The following FAM135B variants were observed in gnomAD, a reference collection of about 807,000 sequenced individuals.
FAM135B encodes protein FAM135B.
In FAM135B, 43 loss-of-function variants were observed where a neutral mutation model predicts 127.7. That is an observed-to-expected ratio of 0.34 (90% CI 0.26 to 0.43). The LOEUF (loss-of-function observed/expected upper bound fraction) is 0.43, where lower values mean the gene tolerates loss of function less well. Among genes scored for constraint, FAM135B ranks in the 20% least tolerant of loss-of-function variants. The pLI is 1.00. For synonymous variants in FAM135B, 670 were observed against 665.1 expected (o/e 1.01, Z -0.11); for missense variants, 1,558 against 1,725.6 (o/e 0.90, Z 1.72).
chr8:138,249,912 C>G (rs1259148086), intron 6 of FAM135B, among the ~76,000 whole-genome samples: 1 of 152,204 alleles, frequency 6.6e-6, no homozygotes, highest in African/African-American at 2.4e-5. Flanking sequence ...TCTGGCCATG[C>G]TGGGAGTAGA....
chr8:138,387,095 T>C (rs1832264197), intron 1 of FAM135B, among the ~76,000 whole-genome samples: 1 of 152,196 alleles, frequency 6.6e-6, no homozygotes, highest in African/African-American at 2.4e-5. Flanking sequence ...GACATATGTA[T>C]TCATATACAA....
intron 2 of FAM135B, among the ~76,000 whole-genome samples, chr8:138,347,374 CAA>C (rs1829489447): frequency 6.6e-6 from 1 of 152,156 alleles, no homozygotes; most frequent in South Asian, 2.1e-4. Flanking sequence ...AGTGAGAGAA[CAA>C]AAGAGATGGC....
chr8:138,143,065 C>T lies in FAM135B; in HGVS notation c.3585G>A (p.Leu1195=), dbSNP rs78114853. The change falls in exon 16 of 20, where the codon TTG becomes TTA. Residue 1195 remains leucine, a synonymous_variant. Transcript: ENST00000395297. ...ADFDTMTDRL[L]DEIIQHIQLY... The stretch of plus-strand genomic sequence containing the variant: ...ACTGAATGTGTTGAATGATTTCATC[C>T]AATAACCGATCCGTCATAGTATCAA... The T allele has an allele frequency of 6.2e-7, 1 of 1,611,032 alleles. No homozygotes were observed. Among genetic ancestry groups the T allele is most frequent in the Non-Finnish European group, 8.5e-7 (1 of 1,177,256 alleles).
At chr8:138,177,280 T>A (rs2130963405) in intron 11 of FAM135B, 67 bp downstream of exon 11, 1 of 1,439,168 alleles carries the variant, frequency 6.9e-7, no homozygotes, top group Non-Finnish European at 9.7e-7. Flanking sequence ...AAGTGAAGAG[T>A]AACTTTGAAC....
chr8:138,196,310 T>C (rs1816621811), intron 8 of FAM135B, among the ~76,000 whole-genome samples: 1 of 152,240 alleles, frequency 6.6e-6, no homozygotes, highest in African/African-American at 2.4e-5. Flanking sequence ...AGATTTGAAC[T>C]TGAAAAAATT....
chr8:138,457,091 C>T (rs1392633594), intron 1 of FAM135B, among the ~76,000 whole-genome samples: 2 of 115,030 alleles, frequency 1.7e-5, no homozygotes, highest in Non-Finnish European at 3.9e-5. Context: ...CAAAATGCCT[C>T]TAGAAAAGAG....
intron 12 of FAM135B, among the ~76,000 whole-genome samples, chr8:138,166,076 CAG>C (rs760812118): frequency 1.3e-5 from 2 of 152,216 alleles, no homozygotes; most frequent in Non-Finnish European, 2.9e-5. Context: ...ACTTTGGAAT[CAG>C]AGTTGGCGTT....
At chr8:138,443,204 T>C (rs1835911614) in intron 1 of FAM135B, among the ~76,000 whole-genome samples, 1 of 152,180 alleles carries the variant, frequency 6.6e-6, no homozygotes, top group Non-Finnish European at 1.5e-5. Flanking sequence ...GCAGATTTTA[T>C]CAATCCCCCC....
chr8:138,275,748 T>C, intron 3 of FAM135B, among the ~76,000 whole-genome samples: 1 of 152,040 alleles, frequency 6.6e-6, no homozygotes, highest in Non-Finnish European at 1.5e-5. Flanking sequence ...CATTATCCCC[T>C]CCTGGCGCTT....
chr8:138,254,175 T>G (rs946818413), intron 5 of FAM135B, among the ~76,000 whole-genome samples: 6 of 152,232 alleles, frequency 3.9e-5, no homozygotes, highest in Admixed American at 3.9e-4. Flanking sequence ...ATGACATCTA[T>G]TTTGTAACTG....
chr8:138,174,791 T>G (rs1814278133), intron 11 of FAM135B, among the ~76,000 whole-genome samples: 1 of 152,208 alleles, frequency 6.6e-6, no homozygotes, highest in African/African-American at 2.4e-5. Flanking sequence ...TGACAATTCA[T>G]GAACTAGGAC....
intron 3 of FAM135B, among the ~76,000 whole-genome samples, chr8:138,277,112 A>G (rs2130715803): frequency 6.6e-6 from 1 of 152,242 alleles, no homozygotes; most frequent in South Asian, 2.1e-4. Flanking sequence ...TTGTCTTCTT[A>G]GCTTCACAGC....
intron 3 of FAM135B, among the ~76,000 whole-genome samples, chr8:138,276,135 C>T (rs1823804389): frequency 1.3e-5 from 2 of 152,176 alleles, no homozygotes; most frequent in African/African-American, 4.8e-5. Context: ...ACAGCCAAGG[C>T]CCCACCTTCA....
intron 1 of FAM135B, among the ~76,000 whole-genome samples, chr8:138,395,140 A>G (rs1477029082): frequency 6.6e-6 from 1 of 152,178 alleles, no homozygotes; most frequent in African/African-American, 2.4e-5. Context: ...CAAGCTCTGA[A>G]TCCCAAGTGC....
intron 1 of FAM135B, among the ~76,000 whole-genome samples, chr8:138,406,740 G>C (rs79073129): frequency 6.7e-6 from 1 of 149,746 alleles, no homozygotes; most frequent in African/African-American, 2.5e-5. Context: ...CAATAAATTA[G>C]GTATTGATGG....
At chr8:138,314,229 G>A (rs1826905951) in intron 2 of FAM135B, among the ~76,000 whole-genome samples, 1 of 152,282 alleles carries the variant, frequency 6.6e-6, no homozygotes, top group South Asian at 2.1e-4. Context: ...CATAAAACAA[G>A]ATTATTTATT....
intron 7 of FAM135B, among the ~76,000 whole-genome samples, chr8:138,217,987 T>G (rs1204914229): frequency 6.6e-6 from 1 of 152,208 alleles, no homozygotes; most frequent in Non-Finnish European, 1.5e-5. Context: ...TACCTCTGTC[T>G]TCCAAACAAT....
intron 1 of FAM135B, among the ~76,000 whole-genome samples, chr8:138,371,971 T>C (rs755545784): frequency 6.6e-6 from 1 of 152,164 alleles, no homozygotes; most frequent in Non-Finnish European, 1.5e-5. Flanking sequence ...GCCCTCATGA[T>C]GCTCAGGGAC....
intron 7 of FAM135B, among the ~76,000 whole-genome samples, chr8:138,229,652 T>A (rs927870748): frequency 2.0e-5 from 3 of 152,132 alleles, no homozygotes; most frequent in Non-Finnish European, 4.4e-5. Context: ...ACACCTTCTG[T>A]ATTAGTCTGT....
Sources: gnomAD v4.1 joint callset for allele counts (sites outside exome capture counted in the v4.1 genomes callset) on GRCh38, gnomAD v4.1.1 for gene constraint, MANE v1.5 for transcripts, NCBI Gene and HGNC (gene_info 2026-07-23, HGNC 2026-07-21) for gene names.